The following SIRT5 variants were observed in gnomAD, a reference collection of about 807,000 sequenced individuals.
The protein encoded by SIRT5 is sirtuin 5, also known as NAD-dependent protein deacylase sirtuin-5, mitochondrial.
Under a neutral mutation model 40.0 loss-of-function variants are expected in SIRT5, and 26 were observed. The observed-to-expected ratio is 0.65, with a 90% CI of 0.48 to 0.90. SIRT5 has a LOEUF of 0.90. Ranked by LOEUF, SIRT5 falls within the 40% of genes least tolerant of loss-of-function variation. The pLI, the probability that SIRT5 is intolerant of heterozygous loss-of-function variation, is 0.00. For synonymous variants in SIRT5, 146 were observed against 149.1 expected (o/e 0.98, Z 0.15); for missense variants, 401 against 402.4 (o/e 1.00, Z 0.03).
chr6:13,585,852 C>G (rs987089518), intron 3 of SIRT5, among the ~76,000 whole-genome samples: 5 of 152,216 alleles, frequency 3.3e-5, no homozygotes, highest in Admixed American at 6.5e-5. Flanking sequence ...AATTTACACT[C>G]CCACCAACAG....
intron 3 of SIRT5, among the ~76,000 whole-genome samples, chr6:13,587,544 G>A (rs920101505): frequency 1.3e-5 from 2 of 152,206 alleles, no homozygotes; most frequent in Non-Finnish European, 2.9e-5. Flanking sequence ...GCTTGGCATA[G>A]CACTTGGGGT....
Position 13,607,195 on chromosome 6 carries a change from A to T in SIRT5, c.858-4595A>T, listed in dbSNP as rs933767732. Among the ~76,000 whole-genome samples, 2 of 152,166 alleles carry T rather than the reference A, an allele frequency of 1.3e-5. No homozygotes were observed. Among genetic ancestry groups the T allele is most frequent in the African/African-American group, 4.8e-5 (2 of 41,442 alleles). ...GGCCCCCACCTAGACTTCCTGAATC[A>T]GAATTTCTAGGGGGAAGATGCCTGT... On this transcript the variant is annotated intron_variant, in intron 9 of 9. Transcript: ENST00000606117. The surrounding 1 kb of genome is among the most constrained non-coding windows in gnomAD (Gnocchi z 4.0).
intron 9 of SIRT5, among the ~76,000 whole-genome samples, chr6:13,611,217 A>G (rs912758188): frequency 8.1e-6 from 1 of 122,946 alleles, no homozygotes; most frequent in African/African-American, 3.1e-5. Flanking sequence ...GTATATATAT[A>G]TATATATATA....
At chr6:13,597,160 C>T in intron 7 of SIRT5, 144 bp downstream of exon 7, 2 of 636,162 alleles carry the variant, frequency 3.1e-6, no homozygotes. Context: ...ATCTCTGAGA[C>T]CAAAAGTGAA....
rs373366411 is a variant in SIRT5, at chr6:13,613,691, G to C, written c.*1826G>C. The C allele has an allele frequency of 6.6e-6, 1 of 152,254 alleles. No homozygotes were observed. Among genetic ancestry groups the C allele is most frequent in the Non-Finnish European group, 1.5e-5 (1 of 68,060 alleles). The allele number at this position is 152,254 out of a possible 1,614,324, so 9.4% of individuals were successfully genotyped here. ...AACCAGTCAGGGACCCTGAGGGCTC[G>C]ATGTACACTTTACATGGGTGGGCCA... On this transcript the variant is annotated 3_prime_UTR_variant, in exon 10 of 10. Transcript: ENST00000606117.
At chr6:13,598,796 C>T (rs996863519) in intron 7 of SIRT5, among the ~76,000 whole-genome samples, 7 of 147,338 alleles carry the variant, frequency 4.8e-5, no homozygotes, top group Non-Finnish European at 1.0e-4. Flanking sequence ...ATTGCACTTC[C>T]GCCTGGGCAG....
chr6:13,615,013 G>C lies in SIRT5; in HGVS notation c.*3148G>C, dbSNP rs970368749. ...GCAGCGCCTCGGGCCCGCGATTACC[G>C]GTTTTCTGAGCACCGGACAGCGTGA... On this transcript the variant is annotated 3_prime_UTR_variant, in exon 10 of 10. Coordinates refer to ENST00000606117, the MANE Select transcript of SIRT5 (RefSeq NM_012241.5). 1 of 269,280 alleles carries C rather than the reference G, an allele frequency of 3.7e-6. No homozygotes were observed. The highest frequency in any genetic ancestry group is 2.2e-5 in the African/African-American group (1 of 45,560). The allele number at this position is 269,280 out of a possible 1,614,324, so 16.7% of individuals were successfully genotyped here.
chr6:13,591,568 C>A, intron 4 of SIRT5, 101 bp from the exon 5 acceptor site: 1 of 988,804 alleles, frequency 1.0e-6, no homozygotes, highest in Non-Finnish European at 1.5e-6. Flanking sequence ...ACCTTCCCGA[C>A]GCTGCCTGTC....
chr6:13,611,234 TATACACACAC>T (rs1291017253), intron 9 of SIRT5, among the ~76,000 whole-genome samples: 6 of 132,682 alleles, frequency 4.5e-5, no homozygotes, highest in African/African-American at 1.9e-4. Context: ...TATATATATA[TATACACACAC>T]ACATACACAC....
chr6:13,585,510 G>T (rs1019287868), intron 3 of SIRT5, among the ~76,000 whole-genome samples: 1 of 151,448 alleles, frequency 6.6e-6, no homozygotes, highest in Non-Finnish European at 1.5e-5. Flanking sequence ...TTCTGTCCTT[G>T]CGATAGTTTT....
intron 9 of SIRT5, among the ~76,000 whole-genome samples, chr6:13,611,365 T>G (rs186978974): frequency 8.6e-5 from 13 of 151,618 alleles, no homozygotes; most frequent in Non-Finnish European, 1.6e-4. Context: ...TATATGTATA[T>G]AAAATACATA....
At chr6:13,609,704 G>A (rs1302301514) in intron 9 of SIRT5, among the ~76,000 whole-genome samples, 1 of 152,058 alleles carries the variant, frequency 6.6e-6, no homozygotes, top group Non-Finnish European at 1.5e-5. Flanking sequence ...ATAATATTAA[G>A]GAACAAAATC....
In SIRT5 at chr6:13,613,581, G is replaced by C. The variant is rs1344381862; in HGVS notation, c.*1716G>C. The C allele has an allele frequency of 6.6e-6, 1 of 152,206 alleles. No individual in the cohort carries two copies. Among genetic ancestry groups the C allele is most frequent in the Non-Finnish European group, 1.5e-5 (1 of 68,048 alleles). The allele number at this position is 152,206 out of a possible 1,614,324, so 9.4% of individuals were successfully genotyped here. Reference sequence around the variant, plus strand: ...ACACTATCATATAAAACTTTGTACTGCATTGCAAGGCATAACCTTTAATAA... The same window carrying C: ...ACACTATCATATAAAACTTTGTACTCCATTGCAAGGCATAACCTTTAATAA... On this transcript the variant is annotated 3_prime_UTR_variant, in exon 10 of 10. Transcript: ENST00000606117.
intron 3 of SIRT5, 96 bp downstream of exon 3, chr6:13,584,321 G>A (rs1016277404): frequency 3.3e-6 from 3 of 919,716 alleles, no homozygotes; most frequent in Non-Finnish European, 5.3e-6. Flanking sequence ...ATTAGGTATT[G>A]GGCAAGGTTT....
chr6:13,593,544 A>G (rs1050395602), intron 5 of SIRT5, among the ~76,000 whole-genome samples: 7 of 152,222 alleles, frequency 4.6e-5, no homozygotes, highest in Non-Finnish European at 1.0e-4. Context: ...TCGGGATTAA[A>G]TAAGATCATA....
chr6:13,593,490 C>T (rs1467218581), intron 5 of SIRT5, among the ~76,000 whole-genome samples: 1 of 152,114 alleles, frequency 6.6e-6, no homozygotes, highest in Non-Finnish European at 1.5e-5. Context: ...GCTATGTCAT[C>T]AGCATAAAAC....
intron 7 of SIRT5, among the ~76,000 whole-genome samples, chr6:13,597,803 C>T (rs1584812977): frequency 6.6e-6 from 1 of 152,172 alleles, no homozygotes; most frequent in East Asian, 1.9e-4. Flanking sequence ...GCCTCAGCCT[C>T]CCAACATGCT....
chr6:13,605,760 C>T (rs1275119469), intron 9 of SIRT5: 3 of 985,330 alleles, frequency 3.0e-6, no homozygotes, highest in East Asian at 2.3e-4. Flanking sequence ...TTGACTGTTA[C>T]TCAACCCCAG....
chr6:13,612,670 C>T lies in SIRT5; in HGVS notation c.*805C>T, dbSNP rs1764049380. On this transcript the variant is annotated 3_prime_UTR_variant, in exon 10 of 10. Transcript: ENST00000606117. Reference sequence around the variant, plus strand: ...GGGGCTTTTTAACCTTGTTTGGCTACATTACCTCAGTGAACAAGGGGAAGC... The same window carrying T: ...GGGGCTTTTTAACCTTGTTTGGCTATATTACCTCAGTGAACAAGGGGAAGC... 6.6e-6 allele frequency: 1 copy of T among 152,220 alleles called. No individual in the cohort carries two copies. The highest frequency in any genetic ancestry group is 1.5e-5 in the Non-Finnish European group (1 of 68,122). 9.4% of individuals were successfully genotyped at this position (152,220 alleles called of 1,614,324 possible).
Sources: gnomAD v4.1 joint callset for allele counts (sites outside exome capture counted in the v4.1 genomes callset) on GRCh38, gnomAD v4.1.1 for gene constraint, Gnocchi (gnomAD v3.1) non-coding constraint, MANE v1.5 for transcripts, NCBI Gene and HGNC (gene_info 2026-07-23, HGNC 2026-07-21) for gene names.